The following ADGRL3 variants were observed in gnomAD, a reference collection of about 807,000 sequenced individuals.
ADGRL3 encodes adhesion G protein-coupled receptor L3, also known as calcium-independent alpha-latrotoxin receptor 3.
In ADGRL3, 62 loss-of-function variants were observed where a neutral mutation model predicts 153.5. The ratio of observed to expected loss-of-function variants is 0.40; its 90% CI spans 0.33 to 0.50. The LOEUF (loss-of-function observed/expected upper bound fraction) is 0.50, where lower values mean the gene tolerates loss of function less well. ADGRL3 is among the 20% of genes least tolerant of loss of function. ADGRL3 has a pLI of 0.47. For missense variants in ADGRL3, 1,641 were observed against 1,859.4 expected (o/e 0.88, Z 2.16); for synonymous variants, 710 against 672.5 (o/e 1.06, Z -0.86).
chr4:61,620,003 A>T (rs2092383622), intron 5 of ADGRL3, among the ~76,000 whole-genome samples: 1 of 152,050 alleles, frequency 6.6e-6, no homozygotes, highest in Non-Finnish European at 1.5e-5. Flanking sequence ...TAAAATCACG[A>T]ATGAAAAATA....
At chr4:61,760,372 C>A (rs1336592314) in intron 8 of ADGRL3, among the ~76,000 whole-genome samples, 1 of 152,176 alleles carries the variant, frequency 6.6e-6, no homozygotes, top group Non-Finnish European at 1.5e-5. Context: ...CGCCCCTCCC[C>A]CAGTCTCGCT....
rs76367185 is a variant in ADGRL3 at position 61,374,598 on chromosome 4, C to T, written c.-239-8526C>T. ...ACAAAGTGAGAAATAAAGCTTCATG[C>T]GATGCACTACAGGCAATGTGGGAAG... On this transcript the variant is annotated intron_variant, in intron 1 of 26. Coordinates refer to ENST00000683033, the MANE Select transcript of ADGRL3 (RefSeq NM_001387552.1). 6.1e-3 allele frequency among the ~76,000 whole-genome samples: 933 copies of T among 151,852 alleles called. 8 individuals are homozygous for T. The highest frequency in any genetic ancestry group is 0.02 in the African/African-American group (848 of 41,398).
chr4:62,061,507 C>T (rs1243352476), intron 25 of ADGRL3, among the ~76,000 whole-genome samples: 1 of 151,860 alleles, frequency 6.6e-6, no homozygotes, highest in Non-Finnish European at 1.5e-5. Context: ...ATTTTACCCA[C>T]AAAGTAAGTT....
At chr4:61,849,352 C>T (rs939238771) in intron 9 of ADGRL3, among the ~76,000 whole-genome samples, 2 of 152,110 alleles carry the variant, frequency 1.3e-5, no homozygotes, top group Non-Finnish European at 1.5e-5. Context: ...GTATTGTTTC[C>T]TTAGGGCACA....
chr4:61,210,277 T>C (rs1159914224), intron 1 of ADGRL3, among the ~76,000 whole-genome samples: 1 of 152,122 alleles, frequency 6.6e-6, no homozygotes, highest in Non-Finnish European at 1.5e-5. Context: ...ACTCAAGGAA[T>C]TGAAAGCCAA....
chr4:61,208,069 G>A (rs1205800684), intron 1 of ADGRL3, among the ~76,000 whole-genome samples: 1 of 152,120 alleles, frequency 6.6e-6, no homozygotes, highest in East Asian at 1.9e-4. Flanking sequence ...TCCCCATTTA[G>A]TGAAATGGAA....
At chr4:61,321,407 A>G (rs940859620) in intron 1 of ADGRL3, among the ~76,000 whole-genome samples, 2 of 152,114 alleles carry the variant, frequency 1.3e-5, no homozygotes, top group Admixed American at 1.3e-4. Flanking sequence ...AACTATTCTT[A>G]AGAGGATTCA....
chr4:61,788,527 C>A (rs1327474407), intron 8 of ADGRL3, among the ~76,000 whole-genome samples: 4 of 152,180 alleles, frequency 2.6e-5, no homozygotes, highest in Non-Finnish European at 4.4e-5. Context: ...ACAAAAGAAT[C>A]TGAACAGCAG....
In ADGRL3 at chr4:61,627,506, A is replaced by G. The variant is rs112903523; in HGVS notation, c.473+40066A>G. On this transcript the variant is annotated intron_variant, in intron 5 of 26. Coordinates refer to ENST00000683033, the MANE Select transcript of ADGRL3 (RefSeq NM_001387552.1). The stretch of plus-strand genomic sequence containing the variant: ...CATGGTGGCGGGTGCCTGTGATCCC[A>G]GCTACTCGGGAGGCTGAGGCAGGAG... Among the ~76,000 whole-genome samples, 288 of 152,222 alleles carry G rather than the reference A, an allele frequency of 1.9e-3. 3 individuals are homozygous for G. Among genetic ancestry groups the G allele is most frequent in the African/African-American group, 6.4e-3 (266 of 41,528 alleles).
chr4:61,404,203 T>G lies in ADGRL3; in HGVS notation c.-174+21014T>G, dbSNP rs374093985. Among the ~76,000 whole-genome samples, 5 of 152,186 alleles carry G rather than the reference T, an allele frequency of 3.3e-5. No individual in the cohort carries two copies. In the South Asian group the frequency reaches 1.0e-3, roughly 32 times the overall value. ...CACTAACTAATGTGTAATTGCAAAC[T>G]GAAATAAATTGTCTGAATGAATGGA... On this transcript the variant is annotated intron_variant, in intron 2 of 26. Coordinates refer to ENST00000683033, the MANE Select transcript of ADGRL3 (RefSeq NM_001387552.1).
chr4:61,967,036 T>G (rs2099009460), intron 17 of ADGRL3, among the ~76,000 whole-genome samples: 1 of 152,144 alleles, frequency 6.6e-6, no homozygotes, highest in Non-Finnish European at 1.5e-5. Flanking sequence ...ACCAAAAATA[T>G]GCTTAGTACA....
chr4:61,652,906 A>G (rs1164621482), intron 5 of ADGRL3, among the ~76,000 whole-genome samples: 1 of 152,184 alleles, frequency 6.6e-6, no homozygotes, highest in East Asian at 1.9e-4. Flanking sequence ...TGGGAGGGTC[A>G]TTGATAATAT....
chr4:61,251,102 T>C (rs990445198), intron 1 of ADGRL3, among the ~76,000 whole-genome samples: 2 of 152,220 alleles, frequency 1.3e-5, no homozygotes, highest in East Asian at 1.9e-4. Context: ...TCACAAATTA[T>C]GTGGCAGAAT....
intron 1 of ADGRL3, among the ~76,000 whole-genome samples, chr4:61,372,740 G>C (rs1176167032): frequency 6.6e-6 from 1 of 152,132 alleles, no homozygotes; most frequent in Non-Finnish European, 1.5e-5. Flanking sequence ...GCCTCCTTGA[G>C]CTGTGGTGGG....
At chr4:61,727,109 A>G (rs1183260106) in intron 6 of ADGRL3, among the ~76,000 whole-genome samples, 1 of 152,164 alleles carries the variant, frequency 6.6e-6, no homozygotes, top group Non-Finnish European at 1.5e-5. Flanking sequence ...ATGATTCAGA[A>G]ATGGCTGAAC....
chr4:61,779,414 C>A (rs948414312), intron 8 of ADGRL3, among the ~76,000 whole-genome samples: 1 of 151,508 alleles, frequency 6.6e-6, no homozygotes, highest in African/African-American at 2.4e-5. Context: ...GAGTGGATCA[C>A]CTGAGGTCAG....
chr4:61,465,073 G>A (rs2097863395), intron 2 of ADGRL3, among the ~76,000 whole-genome samples: 1 of 152,066 alleles, frequency 6.6e-6, no homozygotes, highest in South Asian at 2.1e-4. Context: ...AGTATATTGG[G>A]AAAATAAATT....
At chr4:61,899,705 C>A (rs1306572625) in intron 11 of ADGRL3, among the ~76,000 whole-genome samples, 1 of 152,100 alleles carries the variant, frequency 6.6e-6, no homozygotes, top group African/African-American at 2.4e-5. Flanking sequence ...TTATAAACAA[C>A]AGAAGTATAT....
At chr4:61,776,578 T>C (rs949071624) in intron 8 of ADGRL3, among the ~76,000 whole-genome samples, 1 of 152,168 alleles carries the variant, frequency 6.6e-6, no homozygotes, top group Non-Finnish European at 1.5e-5. Flanking sequence ...TACTGAATTT[T>C]AAAAAATATA....
Sources: allele counts gnomAD v4.1 joint callset (sites outside exome capture counted in the v4.1 genomes callset), GRCh38; gene constraint gnomAD v4.1.1; transcripts MANE v1.5; gene names NCBI Gene and HGNC (gene_info 2026-07-23, HGNC 2026-07-21).